Variants in XXYLT1 observed in about 807,000 individuals in gnomAD.
XXYLT1 encodes UDP-xylose:alpha-xyloside alpha-1,3-xylosyltransferase.
XXYLT1 carries 20 observed loss-of-function variants against 28.9 expected under a neutral mutation model. The ratio of observed to expected loss-of-function variants is 0.69; its 90% CI spans 0.49 to 1.00. The LOEUF is 1.00. XXYLT1 is among the 50% of genes least tolerant of loss of function. The pLI, the probability that XXYLT1 is intolerant of heterozygous loss-of-function variation, is 0.00. For synonymous variants in XXYLT1, 257 were observed against 253.8 expected (o/e 1.01, Z -0.12); for missense variants, 542 against 560.1 (o/e 0.97, Z 0.33).
intron 3 of XXYLT1, among the ~76,000 whole-genome samples, chr3:195,112,536 C>T (rs1272710628): frequency 6.7e-6 from 1 of 149,414 alleles, no homozygotes; most frequent in Non-Finnish European, 1.5e-5. Flanking sequence ...ACAGAGCCCC[C>T]AGCCCCAGGT....
chr3:195,270,362 AGCTGAGGGCGTCTGGCTCCCGGACAC>A (rs1382418390), intron 1 of XXYLT1, 167 bp downstream of exon 1: 1 of 886,996 alleles, frequency 1.1e-6, no homozygotes, highest in African/African-American at 1.8e-5. Flanking sequence ...CCTCAGCACC[AGCTGAGGGCGTCTGGCTCCCGGACAC>A]GCCCCCGAAC....
intron 3 of XXYLT1, chr3:195,152,521 C>T (rs1340761386): frequency 6.6e-6 from 1 of 152,448 alleles, no homozygotes; most frequent in African/African-American, 2.4e-5. Flanking sequence ...CCAGAACACA[C>T]TGTCAGTTCC....
intron 3 of XXYLT1, among the ~76,000 whole-genome samples, chr3:195,082,743 G>A (rs143439768): frequency 1.3e-5 from 2 of 152,220 alleles, no homozygotes; most frequent in East Asian, 3.9e-4. Context: ...CAGCTACTCG[G>A]GAGGCTGAGG....
At chr3:195,213,484 A>C (rs1723423580) in intron 2 of XXYLT1, among the ~76,000 whole-genome samples, 1 of 151,988 alleles carries the variant, frequency 6.6e-6, no homozygotes, top group African/African-American at 2.4e-5. Flanking sequence ...GGCTAGTCTC[A>C]AACTCCCAAC....
intron 1 of XXYLT1, among the ~76,000 whole-genome samples, chr3:195,253,949 A>G (rs73206664): frequency 0.026 from 3,969 of 152,266 alleles, 85 homozygotes; most frequent in Middle Eastern, 0.065. Context: ...CTCTTCCCTC[A>G]AGTGAGTTTT....
In XXYLT1 at chr3:195,195,709, G is replaced by A. The variant is rs559247395; in HGVS notation, c.652+31000C>T. ...TTCATACAGCTCTCAGGAACAGCTCGGAGGGCCCGGGCAGTGCCGTGCTGG... is the reference window on the plus strand; with the variant it reads ...TTCATACAGCTCTCAGGAACAGCTCAGAGGGCCCGGGCAGTGCCGTGCTGG... On this transcript the variant is annotated intron_variant, in intron 2 of 3. Transcript: ENST00000310380. The surrounding 1 kb of genome is among the most constrained non-coding windows in gnomAD (Gnocchi z 4.4). Among the ~76,000 whole-genome samples, 7 of 152,278 alleles carry A rather than the reference G, an allele frequency of 4.6e-5. No individual in the cohort carries two copies. The East Asian group carries it at 9.6e-4, about 21-fold the overall frequency.
chr3:195,150,870 T>A lies in XXYLT1; in HGVS notation c.785+5579A>T, dbSNP rs902137093. On this transcript the variant is annotated intron_variant, in intron 3 of 3. Transcript: ENST00000310380. This position sits in a 1 kb window ranked among gnomAD's most constrained non-coding sequence, Gnocchi z 4.7. ...CACACACTCTCACACACACACACAC[T>A]CTCTCCCTCTCCCTCTCCCTCTCTC... 4.6e-5 allele frequency among the ~76,000 whole-genome samples: 4 copies of A among 86,938 alleles called. No homozygotes were observed. The highest frequency in any genetic ancestry group is 8.9e-5 in the Non-Finnish European group (4 of 45,158). The allele number at this position is 86,938 out of a possible 152,430, so 57.0% of individuals were successfully genotyped here.
intron 3 of XXYLT1, among the ~76,000 whole-genome samples, chr3:195,075,095 T>C: frequency 6.6e-6 from 1 of 152,012 alleles, no homozygotes; most frequent in Non-Finnish European, 1.5e-5. Flanking sequence ...CTACTAAAAA[T>C]ACAAAACTTA....
intron 1 of XXYLT1, among the ~76,000 whole-genome samples, chr3:195,249,906 A>G (rs1220878401): frequency 1.3e-5 from 2 of 151,768 alleles, no homozygotes; most frequent in African/African-American, 2.4e-5. Context: ...TCCACCACCC[A>G]CCACCACCAC....
At chr3:195,254,751 T>C (rs1725412078) in intron 1 of XXYLT1, among the ~76,000 whole-genome samples, 1 of 152,194 alleles carries the variant, frequency 6.6e-6, no homozygotes, top group Admixed American at 6.5e-5. Flanking sequence ...GCCAGGGCAG[T>C]GCCTAAGGGT....
rs887070986 is a variant in XXYLT1, at chr3:195,171,178, G to A, written c.653-14597C>T. ...CAAAGGCACAGGGTGAGCCTGGACC[G>A]CACGCTTCGGGAACTGGGCATGGAA... On this transcript the variant is annotated intron_variant, in intron 2 of 3. Transcript: ENST00000310380. Among the ~76,000 whole-genome samples, 15 of 152,342 alleles carry A rather than the reference G, an allele frequency of 9.8e-5. No individual in the cohort carries two copies. In the South Asian group the frequency reaches 1.5e-3, roughly 15 times the overall value.
At chr3:195,190,886 C>A (rs1473087099) in intron 2 of XXYLT1, among the ~76,000 whole-genome samples, 2 of 151,840 alleles carry the variant, frequency 1.3e-5, no homozygotes, top group African/African-American at 4.8e-5. Flanking sequence ...CAAAAAATGA[C>A]TTTAAAAATA....
At chr3:195,260,312 G>A (rs1191624436) in intron 1 of XXYLT1, among the ~76,000 whole-genome samples, 1 of 151,822 alleles carries the variant, frequency 6.6e-6, no homozygotes, top group Non-Finnish European at 1.5e-5. Context: ...AACGCCCGAC[G>A]CCCGCGGCCC....
intron 2 of XXYLT1, among the ~76,000 whole-genome samples, chr3:195,189,406 C>T (rs1376586022): frequency 1.3e-5 from 2 of 151,944 alleles, no homozygotes; most frequent in Non-Finnish European, 2.9e-5. Context: ...GATATAATAG[C>T]AAAACATCCA....
At position 195,069,795 on chromosome 3, in the gene XXYLT1, C is replaced by T. The variant is rs751667227; in HGVS notation, c.1102G>A (p.Val368Ile). Residue 368 changes from valine to isoleucine, a missense_variant, in exon 4 of 4, where the codon GTC (valine) becomes ATC (isoleucine). Physicochemically the swap from Val to Ile is conservative, Grantham distance 29. Transcript: ENST00000310380. ...TWWRDHGYSD[V>I]FEAYFRCEGH... ...TCACACCTGAAATAGGCCTCGAAGA[C>T]GTCACTGTAGCCATGGTCCCTCCAC... is the stretch of plus-strand genomic sequence containing the variant. The T allele has an allele frequency of 7.4e-6, 12 of 1,614,166 alleles. No homozygotes were observed. Among genetic ancestry groups the T allele is most frequent in the Middle Eastern group, 1.6e-4 (1 of 6,062 alleles).
intron 3 of XXYLT1, among the ~76,000 whole-genome samples, chr3:195,083,602 G>A (rs1160284369): frequency 1.3e-5 from 2 of 152,156 alleles, no homozygotes; most frequent in Non-Finnish European, 2.9e-5. Context: ...TGACGAGGAG[G>A]AGGAGAAGAA....
intron 3 of XXYLT1, chr3:195,122,052 C>G: frequency 1.4e-6 from 1 of 703,052 alleles, no homozygotes; most frequent in Non-Finnish European, 2.6e-6. Flanking sequence ...AAGTCCAAGA[C>G]CAACGTGCCC....
intron 3 of XXYLT1, among the ~76,000 whole-genome samples, chr3:195,125,498 C>T (rs1178171324): frequency 6.6e-6 from 1 of 152,172 alleles, no homozygotes; most frequent in Admixed American, 6.5e-5. Flanking sequence ...TATGAGCTCA[C>T]AAGCCTGGTG....
rs1726012517 is a variant in XXYLT1, at chr3:195,271,063, T to C, written c.-5A>G. 7.4e-7 allele frequency: 1 copy of C among 1,344,958 alleles called. No individual in the cohort carries two copies. 83.3% of individuals were successfully genotyped at this position (1,344,958 alleles called of 1,614,324 possible). On this transcript the variant is annotated 5_prime_UTR_variant, in exon 1 of 4. Transcript: ENST00000310380. ...CCCGCCTCGGAGGAGGCCCATGCGC[T>C]ACGAGACCGCGGCGCCAGCGGTGCC...
Sources: gnomAD v4.1 joint callset for allele counts (sites outside exome capture counted in the v4.1 genomes callset) on GRCh38, gnomAD v4.1.1 for gene constraint, Gnocchi (gnomAD v3.1) non-coding constraint, MANE v1.5 for transcripts, NCBI Gene and HGNC (gene_info 2026-07-23, HGNC 2026-07-21) for gene names.